The following CLTC variants were observed in gnomAD, a reference collection of about 807,000 sequenced individuals.
CLTC encodes the protein clathrin heavy chain 1.
In CLTC, 16 loss-of-function variants were observed where a neutral mutation model predicts 195.8. The observed-to-expected ratio is 0.08, with a 90% CI of 0.06 to 0.12. The LOEUF (loss-of-function observed/expected upper bound fraction) is 0.12. CLTC is among the 10% of genes least tolerant of loss of function. CLTC has a pLI of 1.00. For synonymous variants in CLTC, 667 were observed against 689.4 expected, an observed-to-expected ratio of 0.97 and a Z score of 0.51; for missense variants, 796 against 2,027.0, an observed-to-expected ratio of 0.39 and a Z score of 11.66.
At position 59,694,695 on chromosome 17, in the gene CLTC, T is replaced by C. The variant is rs2033383121; in HGVS notation, c.*843T>C. 4.4e-6 allele frequency: 1 copy of C among 225,820 alleles called. No individual in the cohort carries two copies. Among genetic ancestry groups the C allele is most frequent in the East Asian group, 6.5e-5 (1 of 15,436 alleles). The allele number at this position is 225,820 out of a possible 1,614,324, so 14.0% of individuals were successfully genotyped here. A position where few individuals can be genotyped will look rare whatever the true frequency, so the allele number is the denominator to read the frequency against. ...AGAAGAGAGAAATTCAAACAAAATA[T>C]TGCTGTTCTTCAGTTTTGTTTGTGG... On this transcript the variant is annotated 3_prime_UTR_variant, in exon 32 of 32. Transcript: ENST00000269122.
intron 30 of CLTC, among the ~76,000 whole-genome samples, chr17:59,686,519 G>C (rs1453459773): frequency 2.0e-5 from 3 of 152,088 alleles, no homozygotes; most frequent in Non-Finnish European, 4.4e-5. Context: ...GCCTGAGTTG[G>C]GGGGATGGGA....
intron 1 of CLTC, among the ~76,000 whole-genome samples, chr17:59,640,952 G>A (rs1376969872): frequency 6.6e-6 from 1 of 150,852 alleles, no homozygotes; most frequent in Non-Finnish European, 1.5e-5. Context: ...AACCCCATCT[G>A]TACTAAAAAT....
In CLTC at chr17:59,653,192, T is replaced by A. The variant is rs993122867; in HGVS notation, c.795+1876T>A. ...ATTTGTTTATTTATTTATTTATTTATTTTATTTATTTTTTTTTTTGAGACA... is the reference window on the plus strand; with the variant it reads ...ATTTGTTTATTTATTTATTTATTTAATTTATTTATTTTTTTTTTTGAGACA... On this transcript the variant is annotated intron_variant, in intron 5 of 31. Transcript: ENST00000269122. 1.2e-3 allele frequency among the ~76,000 whole-genome samples: 167 copies of A among 139,720 alleles called. 1 individual carries two copies. Among genetic ancestry groups the A allele is most frequent in the Non-Finnish European group, 1.6e-3 (96 of 61,370 alleles). 91.7% of individuals were successfully genotyped at this position (139,720 alleles called of 152,430 possible).
chr17:59,639,946 C>T (rs988756615), intron 1 of CLTC, among the ~76,000 whole-genome samples: 9 of 151,962 alleles, frequency 5.9e-5, no homozygotes, highest in African/African-American at 1.9e-4. Context: ...AGGGCAAGAC[C>T]CTGTCTCAAT....
intron 31 of CLTC, among the ~76,000 whole-genome samples, chr17:59,691,436 A>G (rs548415872): frequency 6.6e-6 from 1 of 152,030 alleles, no homozygotes; most frequent in East Asian, 1.9e-4. Context: ...CATCCTGGCT[A>G]ACACAGTGAA....
chr17:59,689,777 A>G (rs1040269645), intron 30 of CLTC: 1 of 152,216 alleles, frequency 6.6e-6, no homozygotes, highest in Non-Finnish European at 1.5e-5. Flanking sequence ...TGTTAGCCCT[A>G]GAAGAAACTG....
At chr17:59,625,193 C>T (rs879378570) in intron 1 of CLTC, among the ~76,000 whole-genome samples, 6 of 151,686 alleles carry the variant, frequency 4.0e-5, no homozygotes, top group Non-Finnish European at 7.4e-5. Context: ...ATTGCAACCT[C>T]CGCCTTCCAG....
intron 30 of CLTC, among the ~76,000 whole-genome samples, chr17:59,687,573 G>A (rs1346052686): frequency 3.3e-5 from 5 of 151,788 alleles, no homozygotes; most frequent in African/African-American, 9.7e-5. Context: ...AGATACGAGA[G>A]ATACTAGCTG....
Position 59,695,511 on chromosome 17 carries a change from G to A in CLTC, c.*1659G>A, listed in dbSNP as rs930304962. Reference sequence around the variant, plus strand: ...TCTACTAAAAATAAAAAATCAGCCAGGTGTGATGGTGGATGCCTATAAGAT... The same window carrying A: ...TCTACTAAAAATAAAAAATCAGCCAAGTGTGATGGTGGATGCCTATAAGAT... On this transcript the variant is annotated 3_prime_UTR_variant, in exon 32 of 32. Transcript: ENST00000269122. 3.4e-5 allele frequency: 6 copies of A among 176,828 alleles called. No individual in the cohort carries two copies. Among genetic ancestry groups the A allele is most frequent in the African/African-American group, 1.4e-4 (6 of 42,174 alleles). 11.0% of individuals were successfully genotyped at this position (176,828 alleles called of 1,614,324 possible).
intron 17 of CLTC, 97 bp from the exon 18 acceptor site, chr17:59,679,300 C>A: frequency 1.0e-6 from 1 of 973,716 alleles, no homozygotes; most frequent in Non-Finnish European, 1.5e-6. Context: ...GTAAGATTAT[C>A]AATAAACATA....
chr17:59,662,661 A>C (rs1488322319), intron 8 of CLTC, among the ~76,000 whole-genome samples: 1 of 152,234 alleles, frequency 6.6e-6, no homozygotes. Context: ...TTCTTGACCC[A>C]GTTTCTGGCA....
chr17:59,629,732 G>A (rs2031657236), intron 1 of CLTC, among the ~76,000 whole-genome samples: 1 of 151,940 alleles, frequency 6.6e-6, no homozygotes, highest in South Asian at 2.1e-4. Flanking sequence ...TGTTGTCCAG[G>A]TTGGTGTTGA....
At chr17:59,677,713 G>A (rs2032997245) in intron 17 of CLTC, among the ~76,000 whole-genome samples, 1 of 152,098 alleles carries the variant, frequency 6.6e-6, no homozygotes, top group South Asian at 2.1e-4. Context: ...GTCATATATG[G>A]CATGTAGTTT....
In CLTC at chr17:59,666,035, A is replaced by G; in HGVS notation, c.1645-68A>G. The G allele has an allele frequency of 3.4e-6, 4 of 1,163,284 alleles. 1 individual carries two copies. In the South Asian group the frequency reaches 6.1e-5, roughly 18 times the overall value. The allele number at this position is 1,163,284 out of a possible 1,614,324, so 72.1% of individuals were successfully genotyped here. Reference sequence around the variant, plus strand: ...AAATTCTCAGGTAAAGAAAGAGTTCATGCATAATTTTGTCTACATACTCTC... The same window carrying G: ...AAATTCTCAGGTAAAGAAAGAGTTCGTGCATAATTTTGTCTACATACTCTC... On this transcript the variant is annotated intron_variant, in intron 10 of 31. Coordinates refer to ENST00000269122, the MANE Select transcript of CLTC (RefSeq NM_004859.4). The surrounding 1 kb of genome is among the most constrained non-coding windows in gnomAD (Gnocchi z 4.9).
At position 59,660,708 on chromosome 17, in the gene CLTC, G is replaced by T. The variant is rs1598223199; in HGVS notation, c.1167+120G>T. 5.7e-5 allele frequency: 56 copies of T among 975,930 alleles called. No homozygotes were observed. The East Asian group carries it at 1.4e-3, about 24-fold the overall frequency. The allele number at this position is 975,930 out of a possible 1,614,324, so 60.5% of individuals were successfully genotyped here. On this transcript the variant is annotated intron_variant, in intron 7 of 31. Transcript: ENST00000269122. ...TAAACTGTTTTTAGATTACATTTGG[G>T]TTACATTTTCCTTTAGTAGAATTCC...
At chr17:59,640,891 C>T (rs371252995) in intron 1 of CLTC, among the ~76,000 whole-genome samples, 6 of 151,798 alleles carry the variant, frequency 4.0e-5, no homozygotes, top group Admixed American at 2.0e-4. Flanking sequence ...GAGGCCAAGG[C>T]GGACGGAACA....
intron 1 of CLTC, 106 bp downstream of exon 1, chr17:59,620,279 G>T: frequency 4.2e-6 from 5 of 1,188,546 alleles, no homozygotes; most frequent in South Asian, 1.2e-5. Context: ...GGGCGGGGGG[G>T]TTGTCGGTGA....
chr17:59,666,261 T>A lies in CLTC; in HGVS notation c.1782+21T>A. 6.2e-7 allele frequency: 1 copy of A among 1,608,968 alleles called. No homozygotes were observed. The highest frequency in any genetic ancestry group is 2.2e-5 in the East Asian group (1 of 44,734). On this transcript the variant is annotated intron_variant, in intron 11 of 31. Coordinates refer to ENST00000269122, the MANE Select transcript of CLTC (RefSeq NM_004859.4). This position sits in a 1 kb window ranked among gnomAD's most constrained non-coding sequence, Gnocchi z 4.9. The stretch of plus-strand genomic sequence containing the variant: ...CTCAAGTATGTGTTTTAATGCTTTT[T>A]AGGCATGTTTCCAACATTGTTTTAG...
At chr17:59,654,799 A>G (rs1246891696) in intron 5 of CLTC, among the ~76,000 whole-genome samples, 1 of 152,220 alleles carries the variant, frequency 6.6e-6, no homozygotes, top group Admixed American at 6.5e-5. Context: ...TTTAAAAGAG[A>G]AAAAAACTGC....
Sources: gnomAD v4.1 joint callset for allele counts (sites outside exome capture counted in the v4.1 genomes callset) on GRCh38, gnomAD v4.1.1 for gene constraint, Gnocchi (gnomAD v3.1) non-coding constraint, MANE v1.5 for transcripts, NCBI Gene and HGNC (gene_info 2026-07-23, HGNC 2026-07-21) for gene names.